ADGRE3: variants seen among roughly 807,000 people sequenced by gnomAD.
The protein encoded by ADGRE3 is EGF-like module receptor 3.
Under a neutral mutation model 80.1 loss-of-function variants are expected in ADGRE3, and 88 were observed. That is an observed-to-expected ratio of 1.10 (90% CI 0.93 to 1.31). ADGRE3 has a LOEUF of 1.31. Ranked by LOEUF, ADGRE3 falls within the 40% of genes most tolerant of loss-of-function variation. The pLI, the probability that ADGRE3 is intolerant of heterozygous loss-of-function variation, is 0.00. For synonymous variants in ADGRE3, 281 were observed against 294.8 expected (o/e 0.95, Z 0.48); for missense variants, 715 against 776.5 (o/e 0.92, Z 0.94).
intron 9 of ADGRE3, among the ~76,000 whole-genome samples, chr19:14,643,135 G>T (rs947342817): frequency 3.7e-5 from 5 of 135,566 alleles, no homozygotes; most frequent in East Asian, 2.1e-4. Flanking sequence ...GTGGTTTATA[G>T]TAATCATGGT....
At chr19:14,612,447 G>A in the ADGRE3 span, among the ~76,000 whole-genome samples, 5 of 151,924 alleles carry the variant, frequency 3.3e-5, no homozygotes, top group African/African-American at 4.8e-5. Flanking sequence ...GCATCCTCCC[G>A]CCTCAGCCTC....
At chr19:14,670,076 AT>A (rs974483071) in intron 1 of ADGRE3, among the ~76,000 whole-genome samples, 1 of 152,146 alleles carries the variant, frequency 6.6e-6, no homozygotes, top group Admixed American at 6.6e-5. Flanking sequence ...AAGAAAAAAA[AT>A]GTTTGTTTTG....
chr19:14,623,299 T>TTA lies in ADGRE3; in HGVS notation c.1920+2192_1920+2193insTA, dbSNP rs1555753575. Among the ~76,000 whole-genome samples, 5 of 16,702 alleles carry TTA rather than the reference T, an allele frequency of 3.0e-4. 2 individuals are homozygous for TTA. The highest frequency in any genetic ancestry group is 5.5e-4 in the African/African-American group (5 of 9,050). 11.0% of individuals were successfully genotyped at this position (16,702 alleles called of 152,430 possible). On this transcript the variant is annotated intron_variant, in intron 15 of 15. Transcript: ENST00000253673. Reference sequence around the variant, plus strand: ...CCTAAAATACTTAAAAAAAAAAAAATAAAAAAAAAAAAAAATAAAACTCCT... The same window carrying TTA: ...CCTAAAATACTTAAAAAAAAAAAAATTAAAAAAAAAAAAAAAATAAAACTCCT...
intron 14 of ADGRE3, among the ~76,000 whole-genome samples, chr19:14,629,483 G>T (rs1970820880): frequency 6.6e-6 from 1 of 152,120 alleles, no homozygotes; most frequent in South Asian, 2.1e-4. Context: ...TGGGATATTA[G>T]TAGAGGAAGA....
chr19:14,666,310 A>G (rs1972104854), intron 2 of ADGRE3, among the ~76,000 whole-genome samples: 1 of 150,246 alleles, frequency 6.7e-6, no homozygotes, highest in African/African-American at 2.4e-5. Context: ...GTGGTATTGC[A>G]TTGTGATTTC....
chr19:14,643,736 A>G, intron 9 of ADGRE3, among the ~76,000 whole-genome samples: 1 of 148,766 alleles, frequency 6.7e-6, no homozygotes. Context: ...TTTGAGATGG[A>G]GTCTTGCTCT....
chr19:14,666,659 G>C (rs1258974317), intron 2 of ADGRE3, among the ~76,000 whole-genome samples: 1 of 152,182 alleles, frequency 6.6e-6, no homozygotes, highest in African/African-American at 2.4e-5. Flanking sequence ...TTACAGGCGT[G>C]AGCCACCGTG....
chr19:14,643,855 C>A (rs1392145906), intron 9 of ADGRE3, among the ~76,000 whole-genome samples: 1 of 151,946 alleles, frequency 6.6e-6, no homozygotes, highest in East Asian at 1.9e-4. Flanking sequence ...GGATTACAGG[C>A]ATGTACCACT....
intron 2 of ADGRE3, among the ~76,000 whole-genome samples, chr19:14,668,405 A>G (rs1016327227): frequency 6.6e-6 from 1 of 151,928 alleles, no homozygotes; most frequent in African/African-American, 2.4e-5. Context: ...CTAGAGAGAG[A>G]GTCCCAGGGG....
At chr19:14,656,413 C>T (rs4808207) in intron 5 of ADGRE3, among the ~76,000 whole-genome samples, 49,127 of 148,214 alleles carry the variant, frequency 0.33, 8,573 homozygotes, top group African/African-American at 0.44. Flanking sequence ...CTCTCCCTTG[C>T]GAGAGAGAGG....
chr19:14,644,949 C>A (rs1568486972), intron 8 of ADGRE3, among the ~76,000 whole-genome samples: 1 of 152,118 alleles, frequency 6.6e-6, no homozygotes, highest in East Asian at 1.9e-4. Flanking sequence ...TGGTCTTGAA[C>A]TCCTGGCCTC....
intron 1 of ADGRE3, among the ~76,000 whole-genome samples, chr19:14,671,326 G>GA (rs1972251160): frequency 1.3e-5 from 2 of 152,134 alleles, no homozygotes; most frequent in African/African-American, 4.8e-5. Flanking sequence ...CTCTAGGGGA[G>GA]AATCTGTCTC....
At chr19:14,620,537 T>TTTATA (rs1568471379) in intron 15 of ADGRE3, among the ~76,000 whole-genome samples, 336 of 18,308 alleles carry the variant, frequency 0.018, 26 homozygotes, top group Non-Finnish European at 0.026. Context: ...TATATATATT[T>TTTATA]TATATATATA....
intron 1 of ADGRE3, among the ~76,000 whole-genome samples, chr19:14,672,656 C>A (rs1411151748): frequency 6.6e-6 from 1 of 152,128 alleles, no homozygotes; most frequent in Non-Finnish European, 1.5e-5. Context: ...GTTGCTCAGG[C>A]TGGAGTGCAG....
intron 15 of ADGRE3, among the ~76,000 whole-genome samples, chr19:14,620,324 T>C (rs969857531): frequency 6.7e-6 from 1 of 148,608 alleles, no homozygotes; most frequent in Non-Finnish European, 1.5e-5. Flanking sequence ...AGTGCTGGGA[T>C]TACTGGCATG....
intron 11 of ADGRE3, among the ~76,000 whole-genome samples, chr19:14,633,660 G>A (rs771776169): frequency 8.8e-4 from 128 of 145,696 alleles, no homozygotes; most frequent in Non-Finnish European, 1.7e-3. Context: ...AGCCAAGATC[G>A]CGCCACCGCA....
At chr19:14,646,693 C>CTCCTTCCTTCCTTCCTTCCTTCCT (rs1217192329) in intron 8 of ADGRE3, among the ~76,000 whole-genome samples, 2 of 66,504 alleles carry the variant, frequency 3.0e-5, no homozygotes, top group African/African-American at 1.6e-4. Flanking sequence ...CCCTCCCTCC[C>CTCCTTCCTTCCTTCCTTCCTTCCT]TCCTTCCTTC....
At chr19:14,618,280 C>T (rs145157542), downstream of ADGRE3, among the ~76,000 whole-genome samples, 119 of 152,092 alleles carry the variant, frequency 7.8e-4, no homozygotes, top group African/African-American at 2.8e-3. Context: ...TCATCAGGCG[C>T]GATGGCTTGT....
rs774733912 is a variant in ADGRE3, at chr19:14,651,157, T to A, written c.625A>T (p.Thr209Ser). 6.2e-7 allele frequency: 1 copy of A among 1,613,996 alleles called. No homozygotes were observed. Among genetic ancestry groups the A allele is most frequent in the African/African-American group, 1.3e-5 (1 of 74,936 alleles). Reference protein sequence around the residue: ...ITDNCSEERKTFNLNVQMNSM... With the variant: ...ITDNCSEERKSFNLNVQMNSM... ...TTCATTTGGACGTTCAAGTTGAATG[T>A]CTTTCTTTCTTCAGAGCAATTGTCT... Residue 209 changes from threonine to serine, a missense_variant, in exon 7 of 16, where the codon ACA becomes TCA. By Grantham distance (58) the Thr-to-Ser change is moderately conservative. Coordinates refer to ENST00000253673, the MANE Select transcript of ADGRE3 (RefSeq NM_032571.5).
Sources: allele counts gnomAD v4.1 joint callset (sites outside exome capture counted in the v4.1 genomes callset), GRCh38; gene constraint gnomAD v4.1.1; transcripts MANE v1.5; gene names NCBI Gene and HGNC (gene_info 2026-07-23, HGNC 2026-07-21).